NR2F1-AS1: variants seen among roughly 807,000 people sequenced by gnomAD.
The protein encoded by NR2F1-AS1 is NR2F1 regulatory antisense RNA 1.
chr5:93,533,280 G>A (rs1359533301), intron 4 of NR2F1-AS1, among the ~76,000 whole-genome samples: 1 of 152,020 alleles, frequency 6.6e-6, no homozygotes, highest in Admixed American at 6.6e-5. Flanking sequence ...AAATTAGTGA[G>A]TGATCACATT....
intron 4 of NR2F1-AS1, among the ~76,000 whole-genome samples, chr5:93,412,097 C>A (rs1348456929): frequency 6.6e-6 from 1 of 152,202 alleles, no homozygotes; most frequent in Non-Finnish European, 1.5e-5. Context: ...TCCAGTCACA[C>A]CTTGTGTATT....
At position 93,579,290 on chromosome 5, in the gene NR2F1-AS1, C is replaced by A. The variant is rs1253406262; in HGVS notation, n.313+1177G>T. On this transcript the variant is annotated intron_variant and non_coding_transcript_variant, in intron 1 of 5. Coordinates refer to ENST00000660523, the Ensembl canonical transcript of NR2F1-AS1. The surrounding 1 kb of genome is among the most constrained non-coding windows in gnomAD (Gnocchi z 5.1). ...TCCGGGCATCACCACCAACAGCTTC[C>A]CACTCCCACCCCTGGGACTAGGACA... Among the ~76,000 whole-genome samples the A allele has an allele frequency of 3.9e-5, 6 of 152,156 alleles. No individual in the cohort carries two copies. Among genetic ancestry groups the A allele is most frequent in the Admixed American group, 2.0e-4 (3 of 15,284 alleles).
intron 4 of NR2F1-AS1, among the ~76,000 whole-genome samples, chr5:93,468,599 C>A (rs1382357360): frequency 6.6e-6 from 1 of 152,086 alleles, no homozygotes; most frequent in Non-Finnish European, 1.5e-5. Context: ...TGTAGGTTGT[C>A]TGTTCACTCT....
At chr5:93,431,055 C>T (rs752579810) in intron 4 of NR2F1-AS1, among the ~76,000 whole-genome samples, 1 of 152,112 alleles carries the variant, frequency 6.6e-6, no homozygotes. Flanking sequence ...TTTGAAAAAG[C>T]CTTGAGCATT....
At chr5:93,416,840 A>G (rs1278409292) in intron 4 of NR2F1-AS1, among the ~76,000 whole-genome samples, 1 of 152,214 alleles carries the variant, frequency 6.6e-6, no homozygotes, top group Admixed American at 6.5e-5. Context: ...GGAAGGTTAC[A>G]AAACTCTAAA....
chr5:93,450,914 C>CAAAAAAA (rs60895927), intron 4 of NR2F1-AS1, among the ~76,000 whole-genome samples: 11 of 54,040 alleles, frequency 2.0e-4, no homozygotes, highest in Non-Finnish European at 2.8e-4. Context: ...GAATCTGCTT[C>CAAAAAAA]AAAAAAAAAA....
At chr5:93,489,558 A>T (rs1241056393) in intron 4 of NR2F1-AS1, among the ~76,000 whole-genome samples, 3 of 152,172 alleles carry the variant, frequency 2.0e-5, no homozygotes. Context: ...CCAAATCTGC[A>T]GTATTTCTGA....
At chr5:93,439,080 G>A (rs1326008816) in intron 4 of NR2F1-AS1, among the ~76,000 whole-genome samples, 2 of 152,176 alleles carry the variant, frequency 1.3e-5, no homozygotes, top group Non-Finnish European at 2.9e-5. Flanking sequence ...ATTTGAATCT[G>A]ACTAAACTCA....
intron 4 of NR2F1-AS1, among the ~76,000 whole-genome samples, chr5:93,530,841 AAAC>A (rs1751721850): frequency 6.6e-6 from 1 of 152,180 alleles, no homozygotes; most frequent in Non-Finnish European, 1.5e-5. Context: ...CTATATAAGA[AAAC>A]AGCTTAGAAA....
chr5:93,582,727 G>A (rs1286638473), upstream of NR2F1-AS1, among the ~76,000 whole-genome samples: 2 of 152,074 alleles, frequency 1.3e-5, no homozygotes, highest in African/African-American at 2.4e-5. Context: ...ATCGCTAGGC[G>A]TTCTCCCCCT....
chr5:93,518,677 G>T (rs1470424104), intron 4 of NR2F1-AS1, among the ~76,000 whole-genome samples: 1 of 151,824 alleles, frequency 6.6e-6, no homozygotes, highest in Admixed American at 6.6e-5. Flanking sequence ...CAACTATTTA[G>T]TATCAATTAT....
At chr5:93,521,299 A>T (rs1157003241) in intron 4 of NR2F1-AS1, among the ~76,000 whole-genome samples, 1 of 152,192 alleles carries the variant, frequency 6.6e-6, no homozygotes, top group Non-Finnish European at 1.5e-5. Flanking sequence ...CATCCTGGAC[A>T]TAGGAAAGGG....
At chr5:93,478,379 G>T (rs1329442108) in intron 4 of NR2F1-AS1, among the ~76,000 whole-genome samples, 2 of 152,046 alleles carry the variant, frequency 1.3e-5, no homozygotes, top group African/African-American at 4.8e-5. Context: ...TTACTAAAGG[G>T]CAGGTTTTTT....
intron 4 of NR2F1-AS1, among the ~76,000 whole-genome samples, chr5:93,451,143 G>C (rs1454769655): frequency 6.6e-6 from 1 of 151,878 alleles, no homozygotes; most frequent in African/African-American, 2.4e-5. Context: ...TTTCAGGAAA[G>C]TGATACCCCA....
intron 4 of NR2F1-AS1, among the ~76,000 whole-genome samples, chr5:93,521,083 A>G (rs1580298469): frequency 1.3e-5 from 2 of 152,276 alleles, no homozygotes; most frequent in Middle Eastern, 6.8e-3. Flanking sequence ...TGACCATCTG[A>G]TATTCGACAA....
At chr5:93,490,452 T>C (rs567240465) in intron 4 of NR2F1-AS1, among the ~76,000 whole-genome samples, 1 of 150,836 alleles carries the variant, frequency 6.6e-6, no homozygotes, top group Admixed American at 6.6e-5. Flanking sequence ...GGAGTGGTGG[T>C]GGTGGTAGTG....
At chr5:93,442,801 G>A (rs889465520) in intron 4 of NR2F1-AS1, among the ~76,000 whole-genome samples, 1 of 152,194 alleles carries the variant, frequency 6.6e-6, no homozygotes, top group Non-Finnish European at 1.5e-5. Flanking sequence ...AGTAGGGGCC[G>A]ACTGACACCT....
At chr5:93,444,052 A>C (rs1284719996) in intron 4 of NR2F1-AS1, among the ~76,000 whole-genome samples, 1 of 152,372 alleles carries the variant, frequency 6.6e-6, no homozygotes, top group East Asian at 1.9e-4. Flanking sequence ...TGAAGGAAGC[A>C]CTAAACATGG....
chr5:93,487,045 AC>A (rs1750739439), intron 4 of NR2F1-AS1, among the ~76,000 whole-genome samples: 1 of 152,050 alleles, frequency 6.6e-6, no homozygotes, highest in African/African-American at 2.4e-5. Flanking sequence ...AAAATTCAAC[AC>A]CCCTTCACGC....
Sources: allele counts gnomAD v4.1 joint callset (sites outside exome capture counted in the v4.1 genomes callset), GRCh38; gene constraint gnomAD v4.1.1; non-coding constraint Gnocchi (gnomAD v3.1); transcripts MANE v1.5; gene names NCBI Gene and HGNC (gene_info 2026-07-23, HGNC 2026-07-21).